Variants in RIC3 observed in about 807,000 individuals in gnomAD.
The protein encoded by RIC3 is protein RIC-3.
In RIC3, 28 loss-of-function variants were observed where a neutral mutation model predicts 27.3. The observed-to-expected ratio is 1.02, with a 90% CI of 0.76 to 1.41. The LOEUF is 1.41. RIC3 is among the 40% of genes most tolerant of loss of function. The pLI, the probability that RIC3 is intolerant of heterozygous loss-of-function variation, is 0.00. For missense variants in RIC3, 501 were observed against 444.7 expected, an observed-to-expected ratio of 1.13 and a Z score of -1.14; for synonymous variants, 184 against 160.4, an observed-to-expected ratio of 1.15 and a Z score of -1.11.
chr11:8,117,151 C>G (rs1270710894), intron 5 of RIC3, among the ~76,000 whole-genome samples: 2 of 152,230 alleles, frequency 1.3e-5, no homozygotes, highest in African/African-American at 4.8e-5. Flanking sequence ...TCACTGCAGT[C>G]TCCACCTCTT....
At chr11:8,117,454 G>A (rs1347734165) in intron 5 of RIC3, among the ~76,000 whole-genome samples, 1 of 152,206 alleles carries the variant, frequency 6.6e-6, no homozygotes, top group Admixed American at 6.5e-5. Flanking sequence ...GCCAGGCACA[G>A]AAAGACAGAT....
chr11:8,105,332 G>T (rs1455142328), downstream of RIC3: 1 of 152,234 alleles, frequency 6.6e-6, no homozygotes, highest in Non-Finnish European at 1.5e-5. Flanking sequence ...AGGGCCCAGA[G>T]TTGGGACTCT....
chr11:8,100,820 T>C, the RIC3 span: 4 of 1,613,582 alleles, frequency 2.5e-6, no homozygotes, highest in Non-Finnish European at 3.4e-6. Flanking sequence ...GAGGCTGCCC[T>C]CCCAGGAGCA....
the RIC3 span, chr11:8,095,517 A>G: frequency 1.2e-6 from 2 of 1,611,284 alleles, no homozygotes; most frequent in Non-Finnish European, 1.7e-6. Context: ...GGCCAGCAGC[A>G]CTGGCAGAAG....
intron 1 of RIC3, among the ~76,000 whole-genome samples, chr11:8,141,918 G>C (rs1590253283): frequency 2.0e-5 from 3 of 151,964 alleles, no homozygotes; most frequent in African/African-American, 2.4e-5. Flanking sequence ...ACCTGCTCCT[G>C]AATGACTACT....
intron 1 of RIC3, among the ~76,000 whole-genome samples, chr11:8,167,805 T>G (rs1050535696): frequency 1.3e-5 from 2 of 152,064 alleles, no homozygotes; most frequent in South Asian, 2.1e-4. Context: ...CGCAAAGATG[T>G]TTTAGAAGTC....
At chr11:8,120,486 T>C (rs1946313660) in intron 5 of RIC3, among the ~76,000 whole-genome samples, 1 of 151,908 alleles carries the variant, frequency 6.6e-6, no homozygotes, top group Admixed American at 6.6e-5. Flanking sequence ...ATGAGATCAC[T>C]TGGACACAGG....
intron 1 of RIC3, among the ~76,000 whole-genome samples, chr11:8,140,591 C>A (rs1948940403): frequency 6.6e-6 from 1 of 152,196 alleles, no homozygotes; most frequent in Non-Finnish European, 1.5e-5. Flanking sequence ...CCCACGGGGA[C>A]CTTGGAAGCC....
chr11:8,121,211 T>C (rs989058986), intron 5 of RIC3, among the ~76,000 whole-genome samples: 1 of 152,170 alleles, frequency 6.6e-6, no homozygotes, highest in Non-Finnish European at 1.5e-5. Context: ...TAAAATTCCA[T>C]ATAATTTCAA....
chr11:8,095,586 C>T, the RIC3 span: 1 of 1,613,128 alleles, frequency 6.2e-7, no homozygotes, highest in South Asian at 1.1e-5. Flanking sequence ...CAGACCACGC[C>T]CAGGACGCAG....
intron 5 of RIC3, among the ~76,000 whole-genome samples, chr11:8,115,666 G>C (rs1945773451): frequency 6.6e-6 from 1 of 152,168 alleles, no homozygotes; most frequent in Non-Finnish European, 1.5e-5. Flanking sequence ...AATTAGCTCG[G>C]CATGGTGGTG....
At chr11:8,154,094 G>C (rs1213251230) in intron 1 of RIC3, among the ~76,000 whole-genome samples, 1 of 151,998 alleles carries the variant, frequency 6.6e-6, no homozygotes, top group Admixed American at 6.6e-5. Context: ...TTTCTAGTGG[G>C]AATTTTTTTT....
At chr11:8,133,676 A>C (rs1259668630) in intron 4 of RIC3, among the ~76,000 whole-genome samples, 1 of 152,222 alleles carries the variant, frequency 6.6e-6, no homozygotes, top group Non-Finnish European at 1.5e-5. Context: ...CCCTGAAATG[A>C]GACAGTACAA....
At chr11:8,147,190 C>T (rs962863424) in intron 1 of RIC3, among the ~76,000 whole-genome samples, 5 of 152,184 alleles carry the variant, frequency 3.3e-5, no homozygotes, top group Non-Finnish European at 1.5e-5. Context: ...TCCCGCCTTT[C>T]CAGACCAAAC....
chr11:8,093,132 A>G, the RIC3 span, among the ~76,000 whole-genome samples: 147,645 of 152,168 alleles, frequency 0.97, 71,795 homozygotes, highest in East Asian at 1. Context: ...AAGGAAGCCA[A>G]ATTCTGTGAG....
downstream of RIC3, chr11:8,105,680 TGCTTTCATCACTACCTTTATA>T (rs971823482): frequency 6.6e-6 from 1 of 152,166 alleles, no homozygotes; most frequent in African/African-American, 2.4e-5. Flanking sequence ...AATTATTCCT[TGCTTTCATCACTACCTTTATA>T]GCTCTCATCA....
chr11:8,130,406 C>G (rs946428447), intron 4 of RIC3, among the ~76,000 whole-genome samples: 4 of 152,212 alleles, frequency 2.6e-5, no homozygotes, highest in African/African-American at 9.7e-5. Context: ...CCCAAAGCTG[C>G]TCTGGTTACC....
chr11:8,101,388 G>C (rs1197411840), downstream of RIC3: 5 of 1,467,022 alleles, frequency 3.4e-6, no homozygotes, highest in South Asian at 6.1e-5. Context: ...CTTCTCACTT[G>C]TTCTTCCCTC....
chr11:8,146,311 A>G (rs1480271943), intron 1 of RIC3, among the ~76,000 whole-genome samples: 1 of 152,272 alleles, frequency 6.6e-6, no homozygotes, highest in Non-Finnish European at 1.5e-5. Context: ...ATGCAGGTTG[A>G]AAACACACAC....
Sources: allele counts gnomAD v4.1 joint callset (sites outside exome capture counted in the v4.1 genomes callset), GRCh38; gene constraint gnomAD v4.1.1; transcripts MANE v1.5; gene names NCBI Gene and HGNC (gene_info 2026-07-23, HGNC 2026-07-21).